SOD2: variants seen among roughly 807,000 people sequenced by gnomAD.
SOD2 encodes superoxide dismutase 2.
In SOD2, 11 loss-of-function variants were observed where a neutral mutation model predicts 27.0. The observed-to-expected ratio is 0.41, with a 90% CI of 0.26 to 0.67. SOD2 has a LOEUF of 0.67. Among genes scored for constraint, SOD2 ranks in the 30% least tolerant of loss-of-function variants. The probability of loss-of-function intolerance (pLI) is 0.34; values close to 1 mark genes in which losing one functional copy is unlikely to be tolerated. For missense variants in SOD2, 250 were observed against 274.5 expected (o/e 0.91, Z 0.63); for synonymous variants, 105 against 103.0 (o/e 1.02, Z -0.12).
At chr6:159,742,678 A>G (rs181463611) in intron 1 of SOD2, among the ~76,000 whole-genome samples, 7 of 152,292 alleles carry the variant, frequency 4.6e-5, no homozygotes, top group Non-Finnish European at 1.5e-5. Context: ...AAACCAATAT[A>G]TATTGTTTTG....
At chr6:159,726,531 T>G (rs974216569) in intron 1 of SOD2, 2 of 333,258 alleles carry the variant, frequency 6.0e-6, no homozygotes, top group Non-Finnish European at 1.2e-5. Context: ...TTCTAGTAAG[T>G]GTTTAGAGAC....
intron 1 of SOD2, among the ~76,000 whole-genome samples, chr6:159,711,958 C>G (rs1434160872): frequency 2.6e-5 from 3 of 117,464 alleles, no homozygotes; most frequent in Admixed American, 8.3e-5. Context: ...CTCTGATCAC[C>G]ATAACCACCT....
chr6:159,748,202 G>A (rs138894463), upstream of SOD2: 26 of 1,613,710 alleles, frequency 1.6e-5, no homozygotes, highest in African/African-American at 1.5e-4. The surrounding 1 kb of genome is among the most constrained non-coding windows in gnomAD (Gnocchi z 5.6). Flanking sequence ...CTCAAATCCA[G>A]TACCTCAAGC....
At chr6:159,735,429 AC>A (rs1778847524) in intron 1 of SOD2, among the ~76,000 whole-genome samples, 1 of 152,170 alleles carries the variant, frequency 6.6e-6, no homozygotes. Flanking sequence ...GTGAGCCATC[AC>A]GCCCAACCAG....
chr6:159,684,370 C>A (rs956622108), intron 4 of SOD2, among the ~76,000 whole-genome samples: 1 of 152,078 alleles, frequency 6.6e-6, no homozygotes. Flanking sequence ...GTAATCCCAG[C>A]ACTTCAGGAG....
chr6:159,749,250 G>A, upstream of SOD2: 4 of 985,786 alleles, frequency 4.1e-6, no homozygotes, highest in Non-Finnish European at 3.6e-6. Context: ...TAGCTGTGAT[G>A]AGACTCACTG....
At chr6:159,760,750 G>GT (rs1457607301) in intron 1 of SOD2, 1 of 152,272 alleles carries the variant, frequency 6.6e-6, no homozygotes, top group Admixed American at 6.5e-5. Flanking sequence ...GGATGTGAGA[G>GT]TAAGCCCACA....
intron 1 of SOD2, chr6:159,743,910 CG>C (rs1779408946): frequency 9.0e-7 from 1 of 1,111,794 alleles, no homozygotes; most frequent in African/African-American, 1.6e-5. Flanking sequence ...TTTATAGGTA[CG>C]TATGCTTTGA....
intron 1 of SOD2, among the ~76,000 whole-genome samples, chr6:159,738,314 T>C (rs1284867638): frequency 1.3e-5 from 2 of 152,256 alleles, no homozygotes; most frequent in South Asian, 2.1e-4. Flanking sequence ...CAGAGTGTTA[T>C]ATAAATGTAA....
intron 2 of SOD2, 134 bp downstream of exon 2, chr6:159,692,527 G>T: frequency 6.7e-7 from 1 of 1,484,086 alleles, no homozygotes; most frequent in Middle Eastern, 1.8e-4. Flanking sequence ...AGAGACTATC[G>T]TGCCTGGAAA....
chr6:159,701,569 CAAAAAA>C (rs752905908), intron 1 of SOD2, among the ~76,000 whole-genome samples: 2 of 78,042 alleles, frequency 2.6e-5, no homozygotes, highest in Non-Finnish European at 2.6e-5. Context: ...GACCCTGTTT[CAAAAAA>C]AAAAAAAAAA....
chr6:159,710,270 C>CACATAT (rs1554261118), intron 1 of SOD2, among the ~76,000 whole-genome samples: 5 of 143,478 alleles, frequency 3.5e-5, no homozygotes, highest in Admixed American at 7.0e-5. Flanking sequence ...AGTATAAATA[C>CACATAT]ATATATATAT....
rs200950670 is a variant in SOD2 at position 159,712,403 on chromosome 6, C to A, written c.-116+14726G>T. 4.2e-3 allele frequency among the ~76,000 whole-genome samples: 274 copies of A among 65,138 alleles called. 2 individuals carry two copies. Among genetic ancestry groups the A allele is most frequent in the Admixed American group, 0.024 (129 of 5,468 alleles). 42.7% of individuals were successfully genotyped at this position (65,138 alleles called of 152,430 possible). A position where few individuals can be genotyped will look rare whatever the true frequency, so the allele number is the denominator to read the frequency against. ...ACCACCTCCATAACCACCACTCACA[C>A]TGCTCTGATCACCATAACCACCTCC... On this transcript the variant is annotated intron_variant, in intron 1 of 2. Transcript: ENST00000401980.
In SOD2 at chr6:159,707,082, C is replaced by A. The variant is rs182914569; in HGVS notation, c.-115-14219G>T. On this transcript the variant is annotated intron_variant, in intron 1 of 2. Transcript: ENST00000401980. The stretch of plus-strand genomic sequence containing the variant: ...TCTTTGAAACCAACGAGAACAAAGA[C>A]ACAACATACCAGAATCTCTGGGACA... Among the ~76,000 whole-genome samples, 14 of 152,096 alleles carry A rather than the reference C, an allele frequency of 9.2e-5. No individual in the cohort carries two copies. In the East Asian group the frequency reaches 1.2e-3, roughly 13 times the overall value.
intron 2 of SOD2, 51 bp from the exon 3 acceptor site, chr6:159,688,293 C>T: frequency 2.0e-6 from 2 of 1,014,922 alleles, no homozygotes; most frequent in African/African-American, 1.6e-5. Context: ...ACTTTTTCAA[C>T]CACTGTATAC....
intron 1 of SOD2, chr6:159,755,079 G>A (rs1396567049): frequency 6.2e-7 from 1 of 1,614,166 alleles, no homozygotes; most frequent in South Asian, 1.1e-5. Context: ...GGTATGCAGA[G>A]TACCATTCTA....
At chr6:159,700,177 A>G (rs1336563210) in intron 1 of SOD2, among the ~76,000 whole-genome samples, 2 of 152,246 alleles carry the variant, frequency 1.3e-5, no homozygotes, top group Non-Finnish European at 2.9e-5. Flanking sequence ...TGGACAAAAC[A>G]TATTTAAGAG....
At chr6:159,746,235 A>G (rs1288158772), upstream of SOD2, among the ~76,000 whole-genome samples, 2 of 152,204 alleles carry the variant, frequency 1.3e-5, no homozygotes, top group African/African-American at 2.4e-5. Flanking sequence ...AGTGAGAGAA[A>G]CTAAATTTAA....
At chr6:159,721,927 T>C (rs1312597831) in intron 1 of SOD2, among the ~76,000 whole-genome samples, 1 of 152,200 alleles carries the variant, frequency 6.6e-6, no homozygotes, top group Non-Finnish European at 1.5e-5. Flanking sequence ...TTGATAGTCC[T>C]TGTCTGAGTC....
Sources: gnomAD v4.1 joint callset for allele counts (sites outside exome capture counted in the v4.1 genomes callset) on GRCh38, gnomAD v4.1.1 for gene constraint, Gnocchi (gnomAD v3.1) non-coding constraint, MANE v1.5 for transcripts, NCBI Gene and HGNC (gene_info 2026-07-23, HGNC 2026-07-21) for gene names.